Variants in GUCY1B1 observed in about 807,000 individuals in gnomAD.
GUCY1B1 encodes guanylate cyclase 1 soluble subunit beta 1.
A neutral mutation model predicts 71.0 loss-of-function variants in GUCY1B1; 43 were observed. That is an observed-to-expected ratio of 0.61 (90% CI 0.47 to 0.78). GUCY1B1 has a LOEUF of 0.78. Ranked by LOEUF, GUCY1B1 falls within the 30% of genes least tolerant of loss-of-function variation. The pLI is 0.00. For missense variants in GUCY1B1, 535 were observed against 754.1 expected (o/e 0.71, Z 3.40); for synonymous variants, 266 against 259.7 (o/e 1.02, Z -0.23).
At chr4:155,803,398 C>A (rs764181072) in intron 10 of GUCY1B1, among the ~76,000 whole-genome samples, 1 of 152,106 alleles carries the variant, frequency 6.6e-6, no homozygotes, top group Non-Finnish European at 1.5e-5. Flanking sequence ...TATGTCTGTA[C>A]CTGCCCGTCA....
At chr4:155,779,553 A>G (rs1382466055) in intron 4 of GUCY1B1, among the ~76,000 whole-genome samples, 1 of 152,228 alleles carries the variant, frequency 6.6e-6, no homozygotes, top group Non-Finnish European at 1.5e-5. Context: ...TGAAGAAACT[A>G]GAAAGTTAGA....
chr4:155,764,432 C>T (rs1022111558), intron 2 of GUCY1B1, among the ~76,000 whole-genome samples: 1 of 152,146 alleles, frequency 6.6e-6, no homozygotes, highest in Non-Finnish European at 1.5e-5. Context: ...CTTACTGTCC[C>T]AGAGAATTAC....
chr4:155,780,562 T>C (rs1339238862), intron 4 of GUCY1B1, among the ~76,000 whole-genome samples: 1 of 152,208 alleles, frequency 6.6e-6, no homozygotes, highest in Admixed American at 6.5e-5. Flanking sequence ...TATAATCTCT[T>C]AATGTTTGTA....
rs1223946000 is a variant in GUCY1B1, at chr4:155,796,510, G to A, written c.977G>A (p.Ser326Asn). Residue 326 changes from serine (S) to asparagine (N), a missense_variant and splice_region_variant, in exon 8 of 14, where the codon AGT (serine) becomes AAT (asparagine). By Grantham distance (46) the Ser-to-Asn change is conservative. Transcript: ENST00000264424. ...ADSILFLCSP[S>N]VMNLDDLTRR... ...AGCATACTTTTTCTATGTTCACCAA[G>A]GTAATCATTTTTAGATTAATTATAG... 1.2e-6 allele frequency: 2 copies of A among 1,604,782 alleles called. No homozygotes were observed. Among genetic ancestry groups the A allele is most frequent in the Admixed American group, 1.7e-5 (1 of 59,340 alleles).
Position 155,777,545 on chromosome 4 carries a change from T to A in GUCY1B1, c.200T>A (p.Leu67His). The A allele has an allele frequency of 6.3e-7, 1 of 1,599,646 alleles. No individual in the cohort carries two copies. Among genetic ancestry groups the A allele is most frequent in the Non-Finnish European group, 8.6e-7 (1 of 1,166,906 alleles). ...ATAGATCTCAATGCTGGAGAAATCCTCCAAATGTTTGGGAAGATGTTTTTC... is the reference window on the plus strand; with the variant it reads ...ATAGATCTCAATGCTGGAGAAATCCACCAAATGTTTGGGAAGATGTTTTTC... Reference protein sequence around the residue: ...KVLNLNAGEILQMFGKMFFVF... With the variant: ...KVLNLNAGEIHQMFGKMFFVF... Residue 67 changes from leucine to histidine, a missense_variant, in exon 4 of 14, where the codon CTC becomes CAC. Transcript: ENST00000264424.
At position 155,803,748 on chromosome 4, in the gene GUCY1B1, A is replaced by G. The variant is rs754757080; in HGVS notation, c.1538A>G (p.Asp513Gly). ...GAAATTGCTGGCCAGGTTCAAGTAG[A>G]TGGTGAATCTGTTCAGGTTAGTAAA... ...MMEIAGQVQVDGESVQITIGI... is the reference protein window; with the variant it reads ...MMEIAGQVQVGGESVQITIGI... The change falls in exon 11 of 14, where the codon GAT becomes GGT. Residue 513 changes from aspartate (D) to glycine (G), a missense_variant. Asp to Gly is a moderately conservative substitution (Grantham distance 94). Coordinates refer to ENST00000264424, the MANE Select transcript of GUCY1B1 (RefSeq NM_000857.5). The G allele has an allele frequency of 6.3e-7, 1 of 1,592,086 alleles. No individual in the cohort carries two copies. Among genetic ancestry groups the G allele is most frequent in the Admixed American group, 1.8e-5 (1 of 56,128 alleles).
At chr4:155,761,682 T>C (rs1737005833) in intron 2 of GUCY1B1, among the ~76,000 whole-genome samples, 1 of 152,226 alleles carries the variant, frequency 6.6e-6, no homozygotes, top group Non-Finnish European at 1.5e-5. Flanking sequence ...AAAGATTCAA[T>C]TGACGAGAAT....
At chr4:155,762,080 G>C (rs78289354) in intron 2 of GUCY1B1, among the ~76,000 whole-genome samples, 2 of 152,132 alleles carry the variant, frequency 1.3e-5, no homozygotes, top group African/African-American at 2.4e-5. Context: ...GCTGCTCCTT[G>C]GTTTCCAACC....
chr4:155,775,628 T>C (rs1737991936), intron 3 of GUCY1B1, among the ~76,000 whole-genome samples: 1 of 152,176 alleles, frequency 6.6e-6, no homozygotes, highest in Non-Finnish European at 1.5e-5. Flanking sequence ...AAGCCATGTA[T>C]TCAGGAAGGA....
At chr4:155,798,888 A>C (rs1193274118) in intron 8 of GUCY1B1, among the ~76,000 whole-genome samples, 1 of 152,144 alleles carries the variant, frequency 6.6e-6, no homozygotes, top group African/African-American at 2.4e-5. Flanking sequence ...CCCAGACTGG[A>C]ATGCAGTGGC....
In GUCY1B1 at chr4:155,795,343, C is replaced by G; in HGVS notation, c.729C>G (p.Leu243=). The G allele has an allele frequency of 1.9e-6, 3 of 1,571,252 alleles. No individual in the cohort carries two copies. Among genetic ancestry groups the G allele is most frequent in the Non-Finnish European group, 2.6e-6 (3 of 1,143,132 alleles). The change falls in exon 7 of 14, where the codon CTC becomes CTG. Residue 243 remains leucine (L), a splice_region_variant and synonymous_variant. Coordinates refer to ENST00000264424, the MANE Select transcript of GUCY1B1 (RefSeq NM_000857.5). ...GNAIYRVLPQ[L]QPGNCSLLSV... ...TTTGCTCTCTATCTATATTTTAGCT[C>G]CAGCCTGGGAATTGCAGCCTTCTGT...
chr4:155,780,351 C>T (rs538462135), intron 4 of GUCY1B1, among the ~76,000 whole-genome samples: 1 of 152,150 alleles, frequency 6.6e-6, no homozygotes, highest in African/African-American at 2.4e-5. Context: ...TAGATAAATT[C>T]TATTAATTCT....
intron 2 of GUCY1B1, among the ~76,000 whole-genome samples, chr4:155,765,916 A>C (rs1737303116): frequency 6.6e-6 from 1 of 152,154 alleles, no homozygotes; most frequent in African/African-American, 2.4e-5. Context: ...TCACTTCTTA[A>C]GGGAACCTTC....
rs1579260670 is a variant in GUCY1B1 at position 155,802,886 on chromosome 4, A to G, written c.1413+307A>G. On this transcript the variant is annotated intron_variant, in intron 10 of 13. Transcript: ENST00000264424. The surrounding 1 kb of genome is among the most constrained non-coding windows in gnomAD (Gnocchi z 4.3). ...AGGCTGTTTATCACATGTAGTATAAACATAGCATTCATTTTAGTCCTCTGC... is the reference window on the plus strand; with the variant it reads ...AGGCTGTTTATCACATGTAGTATAAGCATAGCATTCATTTTAGTCCTCTGC... Among the ~76,000 whole-genome samples, 1 of 152,342 alleles carries G rather than the reference A, an allele frequency of 6.6e-6. No individual in the cohort carries two copies. The highest frequency in any genetic ancestry group is 1.9e-4 in the East Asian group (1 of 5,184).
At position 155,802,646 on chromosome 4, in the gene GUCY1B1, G is replaced by A; in HGVS notation, c.1413+67G>A. The A allele has an allele frequency of 7.2e-7, 1 of 1,390,112 alleles. No homozygotes were observed. Among genetic ancestry groups the A allele is most frequent in the Non-Finnish European group, 9.7e-7 (1 of 1,032,444 alleles). The allele number at this position is 1,390,112 out of a possible 1,614,324, so 86.1% of individuals were successfully genotyped here. On this transcript the variant is annotated intron_variant, in intron 10 of 13. Coordinates refer to ENST00000264424, the MANE Select transcript of GUCY1B1 (RefSeq NM_000857.5). This position sits in a 1 kb window ranked among gnomAD's most constrained non-coding sequence, Gnocchi z 4.3. The stretch of plus-strand genomic sequence containing the variant: ...TGGCGTTCTGAGACTCCCCTCCAGA[G>A]GCCATGTCATCACAGCTCTCTGACT...
At chr4:155,804,959 T>A in intron 12 of GUCY1B1, 144 bp from the exon 13 acceptor site, 3 of 778,106 alleles carry the variant, frequency 3.9e-6, no homozygotes, top group Non-Finnish European at 6.3e-6. Context: ...CCTGATATGA[T>A]CATTGTTTCT....
intron 11 of GUCY1B1, 43 bp from the exon 12 acceptor site, chr4:155,804,550 G>T: frequency 6.6e-7 from 1 of 1,504,242 alleles, no homozygotes; most frequent in Non-Finnish European, 9.1e-7. Context: ...AAATTCATGT[G>T]TTAGTGATCA....
intron 2 of GUCY1B1, among the ~76,000 whole-genome samples, chr4:155,763,169 T>C (rs1287409804): frequency 6.6e-6 from 1 of 152,122 alleles, no homozygotes; most frequent in Non-Finnish European, 1.5e-5. Flanking sequence ...TGGGTTTAAT[T>C]TTAGATTTTT....
chr4:155,781,046 T>A, intron 4 of GUCY1B1, among the ~76,000 whole-genome samples: 1 of 152,168 alleles, frequency 6.6e-6, no homozygotes, highest in East Asian at 1.9e-4. Flanking sequence ...CCACAGCCTC[T>A]CAGTTAGATA....
Sources: allele counts gnomAD v4.1 joint callset (sites outside exome capture counted in the v4.1 genomes callset), GRCh38; gene constraint gnomAD v4.1.1; non-coding constraint Gnocchi (gnomAD v3.1); transcripts MANE v1.5; gene names NCBI Gene and HGNC (gene_info 2026-07-23, HGNC 2026-07-21).